MARCHF1: variants seen among roughly 807,000 people sequenced by gnomAD.
MARCHF1 encodes membrane associated ring-CH-type finger 1.
MARCHF1 carries 40 observed loss-of-function variants against 54.2 expected under a neutral mutation model. The ratio of observed to expected loss-of-function variants is 0.74; its 90% CI spans 0.57 to 0.96. The LOEUF (loss-of-function observed/expected upper bound fraction) is 0.96, where lower values mean the gene tolerates loss of function less well. Among genes scored for constraint, MARCHF1 ranks in the 40% least tolerant of loss-of-function variants. The pLI is 0.00. For missense variants in MARCHF1, 586 were observed against 656.5 expected (o/e 0.89, Z 1.17); for synonymous variants, 236 against 236.3 (o/e 1.00, Z 0.01).
chr4:164,093,198 A>G (rs370168703), intron 2 of MARCHF1, among the ~76,000 whole-genome samples: 1 of 152,152 alleles, frequency 6.6e-6, no homozygotes, highest in Non-Finnish European at 1.5e-5. Context: ...TGGAGATAGT[A>G]TACCTTAAAG....
chr4:163,653,673 A>G (rs1579161366), intron 5 of MARCHF1, among the ~76,000 whole-genome samples: 1 of 151,798 alleles, frequency 6.6e-6, no homozygotes, highest in East Asian at 1.9e-4. Flanking sequence ...AAAGGAAAGA[A>G]GGTAGACATC....
chr4:163,714,309 T>C (rs1034595208), intron 4 of MARCHF1, among the ~76,000 whole-genome samples: 4 of 152,244 alleles, frequency 2.6e-5, no homozygotes, highest in African/African-American at 4.8e-5. Flanking sequence ...GTGTGTGCTA[T>C]ATAAATTGCT....
intron 4 of MARCHF1, among the ~76,000 whole-genome samples, chr4:163,735,616 C>A (rs1746011445): frequency 6.6e-6 from 1 of 152,156 alleles, no homozygotes; most frequent in Non-Finnish European, 1.5e-5. Flanking sequence ...GTATAAGAAC[C>A]TTAATTCCAT....
chr4:163,911,959 C>A (rs1751198632), intron 3 of MARCHF1, among the ~76,000 whole-genome samples: 1 of 151,876 alleles, frequency 6.6e-6, no homozygotes, highest in Non-Finnish European at 1.5e-5. Context: ...AGCGCTAGTA[C>A]ATAAATAGAA....
rs1300946466 is a variant in MARCHF1 at position 163,528,738 on chromosome 4, A to G, written c.*10T>C. The G allele has an allele frequency of 3.8e-6, 6 of 1,596,884 alleles. No homozygotes were observed. The highest frequency in any genetic ancestry group is 5.1e-6 in the Non-Finnish European group (6 of 1,170,228). ...ATATTCTTCGGTGAAGAAACTCCCAACAGGTTCCATCAGACTGATACAACT... is the reference window on the plus strand; with the variant it reads ...ATATTCTTCGGTGAAGAAACTCCCAGCAGGTTCCATCAGACTGATACAACT... On this transcript the variant is annotated 3_prime_UTR_variant, in exon 10 of 10. Coordinates refer to ENST00000514618, the MANE Select transcript of MARCHF1 (RefSeq NM_001394959.1).
chr4:163,902,308 A>G (rs749636169), intron 3 of MARCHF1, among the ~76,000 whole-genome samples: 22 of 152,216 alleles, frequency 1.4e-4, no homozygotes, highest in Non-Finnish European at 2.9e-4. Context: ...AAATATTAAG[A>G]AGGCAATACA....
At chr4:164,312,325 T>TTTC (rs1734875836) in intron 1 of MARCHF1, among the ~76,000 whole-genome samples, 1 of 141,244 alleles carries the variant, frequency 7.1e-6, no homozygotes, top group African/African-American at 2.6e-5. Flanking sequence ...TTTTCTTTTT[T>TTTC]TTTTTTTTTT....
intron 5 of MARCHF1, among the ~76,000 whole-genome samples, chr4:163,666,038 T>A (rs1302070362): frequency 6.6e-6 from 1 of 152,118 alleles, no homozygotes; most frequent in African/African-American, 2.4e-5. Flanking sequence ...AAGTTGAAAA[T>A]GTCTTCTTTA....
chr4:164,046,603 T>C (rs1206618925), intron 2 of MARCHF1, among the ~76,000 whole-genome samples: 1 of 152,210 alleles, frequency 6.6e-6, no homozygotes, highest in Non-Finnish European at 1.5e-5. Flanking sequence ...AATTATAGCT[T>C]ATTATCCTTG....
chr4:164,117,556 A>C (rs1755963504), intron 1 of MARCHF1, among the ~76,000 whole-genome samples: 1 of 152,070 alleles, frequency 6.6e-6, no homozygotes, highest in African/African-American at 2.4e-5. Context: ...ATTGTGAGAT[A>C]ATTATAAAAC....
intron 2 of MARCHF1, among the ~76,000 whole-genome samples, chr4:164,049,856 A>C (rs1754321780): frequency 6.6e-6 from 1 of 152,198 alleles, no homozygotes; most frequent in Admixed American, 6.5e-5. Context: ...TTATAGTATG[A>C]TAAAAACTCA....
intron 2 of MARCHF1, among the ~76,000 whole-genome samples, chr4:164,069,670 T>G (rs1754819278): frequency 6.6e-6 from 1 of 152,062 alleles, no homozygotes. Context: ...CACGCCACCT[T>G]TAAGAACTGT....
intron 1 of MARCHF1, among the ~76,000 whole-genome samples, chr4:164,298,967 A>G (rs1734481617): frequency 6.6e-6 from 1 of 152,148 alleles, no homozygotes; most frequent in Non-Finnish European, 1.5e-5. Flanking sequence ...AATAAAATAC[A>G]GGTGTATAAA....
At chr4:164,012,558 C>T (rs1327448268) in intron 2 of MARCHF1, among the ~76,000 whole-genome samples, 1 of 152,100 alleles carries the variant, frequency 6.6e-6, no homozygotes, top group Non-Finnish European at 1.5e-5. Flanking sequence ...GCAATTGTGG[C>T]CACAGGCTTT....
rs1319895316 is a variant in MARCHF1, at chr4:164,176,978, CTCTATATA to C, written c.-322-65324_-322-65317del. Among the ~76,000 whole-genome samples the C allele has an allele frequency of 3.1e-3, 122 of 38,832 alleles. 1 individual carries two copies. The highest frequency in any genetic ancestry group is 5.8e-3 in the South Asian group (6 of 1,034). 25.5% of individuals were successfully genotyped at this position (38,832 alleles called of 152,430 possible). On this transcript the variant is annotated intron_variant, in intron 1 of 9. Coordinates refer to ENST00000514618, the MANE Select transcript of MARCHF1 (RefSeq NM_001394959.1). The stretch of plus-strand genomic sequence containing the variant: ...TCTCTCTCTCTCTCTCTCTCTCTCT[CTCTATATA>C]TATATATATATATATATATATATAC...
intron 2 of MARCHF1, among the ~76,000 whole-genome samples, chr4:164,075,453 G>T (rs1754956925): frequency 6.6e-6 from 1 of 152,208 alleles, no homozygotes; most frequent in Admixed American, 6.5e-5. Flanking sequence ...ATCCAGGCTA[G>T]TCCTATGCAG....
chr4:164,158,910 C>A (rs1323195462), intron 1 of MARCHF1, among the ~76,000 whole-genome samples: 1 of 152,182 alleles, frequency 6.6e-6, no homozygotes, highest in Non-Finnish European at 1.5e-5. Context: ...GAATCATCCT[C>A]CTCCTAAACC....
At chr4:163,738,032 T>C (rs976959533) in intron 4 of MARCHF1, among the ~76,000 whole-genome samples, 1 of 152,212 alleles carries the variant, frequency 6.6e-6, no homozygotes, top group Non-Finnish European at 1.5e-5. Flanking sequence ...CCTGGTGGTC[T>C]GGATGTTGGA....
At chr4:163,645,417 T>C (rs1401475861) in intron 5 of MARCHF1, among the ~76,000 whole-genome samples, 1 of 152,204 alleles carries the variant, frequency 6.6e-6, no homozygotes, top group East Asian at 1.9e-4. Context: ...AAGAGGGTCT[T>C]GTTCCTTCAA....
Sources: allele counts gnomAD v4.1 joint callset (sites outside exome capture counted in the v4.1 genomes callset), GRCh38; gene constraint gnomAD v4.1.1; transcripts MANE v1.5; gene names NCBI Gene and HGNC (gene_info 2026-07-23, HGNC 2026-07-21).